Variants in FGF14 observed in about 807,000 individuals in gnomAD.
FGF14 encodes the protein fibroblast growth factor 14.
Under a neutral mutation model 25.5 loss-of-function variants are expected in FGF14, and 5 were observed. The observed-to-expected ratio is 0.20, with a 90% CI of 0.10 to 0.41. The LOEUF (loss-of-function observed/expected upper bound fraction) is 0.41, where lower values mean the gene tolerates loss of function less well. FGF14 is among the 10% of genes least tolerant of loss of function. The pLI is 1.00. For missense variants in FGF14, 222 were observed against 320.1 expected (o/e 0.69, Z 2.34); for synonymous variants, 138 against 118.3 (o/e 1.17, Z -1.08).
intron 1 of FGF14, among the ~76,000 whole-genome samples, chr13:101,985,080 GTT>G (rs71125040): frequency 0.45 from 60,289 of 134,502 alleles, 13,543 homozygotes; most frequent in East Asian, 0.68. Context: ...TTTTTTTTTT[GTT>G]TTTTTTTTTT....
intron 1 of FGF14, among the ~76,000 whole-genome samples, chr13:102,288,955 C>CT (rs943185967): frequency 2.5e-4 from 37 of 145,916 alleles, no homozygotes; most frequent in East Asian, 9.9e-4. Context: ...TGTCAGGTTT[C>CT]TTTTTTTTTT....
chr13:101,833,502 G>A (rs1393290207), intron 3 of FGF14, among the ~76,000 whole-genome samples: 2 of 152,020 alleles, frequency 1.3e-5, no homozygotes, highest in Non-Finnish European at 2.9e-5. Flanking sequence ...AGGTCTACAA[G>A]TTTAATTTAT....
At chr13:102,070,494 T>C (rs559835069) in intron 1 of FGF14, among the ~76,000 whole-genome samples, 12 of 152,182 alleles carry the variant, frequency 7.9e-5, no homozygotes, top group Non-Finnish European at 1.3e-4. Flanking sequence ...AAACTAAAAA[T>C]AGAAATCCCA....
intron 1 of FGF14, among the ~76,000 whole-genome samples, chr13:101,901,999 T>C (rs576333137): frequency 6.6e-6 from 1 of 152,178 alleles, no homozygotes; most frequent in South Asian, 2.1e-4. Context: ...ACATCAAAGT[T>C]TTTGTGAAGT....
At chr13:101,758,216 A>C (rs929557747) in intron 3 of FGF14, among the ~76,000 whole-genome samples, 1 of 152,230 alleles carries the variant, frequency 6.6e-6, no homozygotes, top group Non-Finnish European at 1.5e-5. Flanking sequence ...ATCTAAAGAA[A>C]AACTATGAAG....
At chr13:102,243,379 T>C (rs9518684) in intron 1 of FGF14, among the ~76,000 whole-genome samples, 7,208 of 152,198 alleles carry the variant, frequency 0.047, 297 homozygotes, top group East Asian at 0.16. Flanking sequence ...GGAATCCTGA[T>C]AATTCAAAAA....
At chr13:102,047,491 A>AT (rs1378508112) in intron 1 of FGF14, among the ~76,000 whole-genome samples, 1 of 152,206 alleles carries the variant, frequency 6.6e-6, no homozygotes, top group Non-Finnish European at 1.5e-5. Context: ...ATGGAATACT[A>AT]TGCAGCCATA....
At chr13:102,029,864 T>C (rs2041123243) in intron 1 of FGF14, among the ~76,000 whole-genome samples, 1 of 152,092 alleles carries the variant, frequency 6.6e-6, no homozygotes, top group Non-Finnish European at 1.5e-5. Context: ...TAACACATCT[T>C]GTGTCTTGTG....
At chr13:102,087,070 C>T (rs1215397735) in intron 1 of FGF14, among the ~76,000 whole-genome samples, 1 of 152,144 alleles carries the variant, frequency 6.6e-6, no homozygotes, top group Non-Finnish European at 1.5e-5. Flanking sequence ...TGTCATTTGT[C>T]AGAGGAACAC....
At chr13:102,011,402 T>C (rs2040069947) in intron 1 of FGF14, among the ~76,000 whole-genome samples, 1 of 152,164 alleles carries the variant, frequency 6.6e-6, no homozygotes. Flanking sequence ...ATGAAGCTTA[T>C]TCATAGCTGA....
At chr13:101,749,143 C>T (rs1043579345) in intron 3 of FGF14, among the ~76,000 whole-genome samples, 10 of 151,908 alleles carry the variant, frequency 6.6e-5, no homozygotes, top group Admixed American at 5.9e-4. Context: ...TTGCGGTTGC[C>T]GGTGGCTAGG....
intron 1 of FGF14, among the ~76,000 whole-genome samples, chr13:102,123,170 C>A (rs914194479): frequency 1.3e-5 from 2 of 151,962 alleles, no homozygotes; most frequent in African/African-American, 4.8e-5. Flanking sequence ...ATACCAAAAC[C>A]AAATCACAGA....
chr13:102,360,819 T>C (rs1257303155), intron 1 of FGF14, among the ~76,000 whole-genome samples: 1 of 152,042 alleles, frequency 6.6e-6, no homozygotes, highest in East Asian at 1.9e-4. Flanking sequence ...ACCAAGCCAG[T>C]TCCCACTGTA....
chr13:101,941,771 T>C (rs1257289818), intron 1 of FGF14, among the ~76,000 whole-genome samples: 1 of 152,206 alleles, frequency 6.6e-6, no homozygotes, highest in African/African-American at 2.4e-5. Context: ...AGAATTCCCA[T>C]TCCCATAGTC....
intron 1 of FGF14, among the ~76,000 whole-genome samples, chr13:102,095,288 A>AT (rs2044341207): frequency 2.6e-5 from 4 of 152,156 alleles, no homozygotes; most frequent in Non-Finnish European, 4.4e-5. Flanking sequence ...CAGAGTAGAG[A>AT]AATTAACAGA....
intron 1 of FGF14, among the ~76,000 whole-genome samples, chr13:102,128,417 C>T (rs760221881): frequency 7.9e-5 from 12 of 152,192 alleles, no homozygotes; most frequent in Non-Finnish European, 1.8e-4. Context: ...GAGGTCCCCG[C>T]GGTGTTACTG....
chr13:101,878,063 G>A (rs1166441634), intron 1 of FGF14, among the ~76,000 whole-genome samples: 1 of 151,940 alleles, frequency 6.6e-6, no homozygotes, highest in Non-Finnish European at 1.5e-5. Context: ...ACTGAGTTAC[G>A]TATGCACCTT....
intron 1 of FGF14, among the ~76,000 whole-genome samples, chr13:102,300,936 CAT>C (rs759008345): frequency 0.053 from 1,825 of 34,670 alleles, 11 homozygotes; most frequent in South Asian, 0.09. Context: ...CACACACACA[CAT>C]ACACACACAC....
At chr13:102,196,373 A>G (rs1206288024) in intron 1 of FGF14, among the ~76,000 whole-genome samples, 1 of 152,168 alleles carries the variant, frequency 6.6e-6, no homozygotes, top group Non-Finnish European at 1.5e-5. Flanking sequence ...TGAATGAGTC[A>G]ATTGTAAAGA....
Sources: gnomAD v4.1 joint callset for allele counts (sites outside exome capture counted in the v4.1 genomes callset) on GRCh38, gnomAD v4.1.1 for gene constraint, MANE v1.5 for transcripts, NCBI Gene and HGNC (gene_info 2026-07-23, HGNC 2026-07-21) for gene names.